The following EPB41L4A variants were observed in gnomAD, a reference collection of about 807,000 sequenced individuals.
EPB41L4A encodes erythrocyte membrane protein band 4.1 like 4A.
In EPB41L4A, 100 loss-of-function variants were observed where a neutral mutation model predicts 108.6. That is an observed-to-expected ratio of 0.92 (90% CI 0.78 to 1.09). The LOEUF is 1.09. EPB41L4A is among the 50% of genes least tolerant of loss of function. The pLI is 0.00. For synonymous variants in EPB41L4A, 319 were observed against 289.0 expected, an observed-to-expected ratio of 1.10 and a Z score of -1.05; for missense variants, 1,030 against 842.7, an observed-to-expected ratio of 1.22 and a Z score of -2.75.
intron 1 of EPB41L4A, among the ~76,000 whole-genome samples, chr5:112,334,163 T>C (rs1470265356): frequency 6.6e-6 from 1 of 152,166 alleles, no homozygotes; most frequent in African/African-American, 2.4e-5. Flanking sequence ...AAACAAACCC[T>C]TTTTGTAGCA....
rs543669216 is a variant in EPB41L4A at position 112,282,184 on chromosome 5, G to T, written c.205-1861C>A. 2.0e-5 allele frequency among the ~76,000 whole-genome samples: 3 copies of T among 152,274 alleles called. No homozygotes were observed. The South Asian group carries it at 6.2e-4, about 32-fold the overall frequency. ...TGGTGTTAAAATTATGATCCCCAGG[G>T]AAAGTGTAGCTCATTCAAGTAGAGT... On this transcript the variant is annotated intron_variant, in intron 2 of 22. Transcript: ENST00000261486.
chr5:112,263,980 T>A (rs1751671050), intron 6 of EPB41L4A: 1 of 151,650 alleles, frequency 6.6e-6, no homozygotes, highest in South Asian at 2.1e-4. Context: ...GCCCGGCTAA[T>A]TTTTGTATTT....
intron 1 of EPB41L4A, among the ~76,000 whole-genome samples, chr5:112,410,928 T>C (rs75119550): frequency 0.013 from 1,975 of 152,296 alleles, 24 homozygotes; most frequent in South Asian, 0.036. Context: ...GGCTCCAAGA[T>C]AGCAGAGCAA....
downstream of EPB41L4A, among the ~76,000 whole-genome samples, chr5:112,158,792 A>T (rs1169964874): frequency 2.0e-5 from 3 of 152,152 alleles, no homozygotes; most frequent in African/African-American, 7.2e-5. Flanking sequence ...CCTATGATTC[A>T]ATTACCTCCC....
intron 18 of EPB41L4A, among the ~76,000 whole-genome samples, chr5:112,171,967 C>T (rs1378922281): frequency 6.6e-6 from 1 of 152,130 alleles, no homozygotes; most frequent in Non-Finnish European, 1.5e-5. Flanking sequence ...TGCTTTCATT[C>T]TTCTCGATTC....
At chr5:112,415,088 TTTTA>T (rs546760188) in intron 1 of EPB41L4A, among the ~76,000 whole-genome samples, 26 of 152,336 alleles carry the variant, frequency 1.7e-4, no homozygotes, top group African/African-American at 4.1e-4. Context: ...TTCTGGGATA[TTTTA>T]TTTATTAGTC....
chr5:112,292,753 G>T (rs1357529983), intron 2 of EPB41L4A, among the ~76,000 whole-genome samples: 1 of 151,998 alleles, frequency 6.6e-6, no homozygotes, highest in African/African-American at 2.4e-5. Context: ...TCAGAATAAG[G>T]TTAAATCAAG....
intron 12 of EPB41L4A, among the ~76,000 whole-genome samples, chr5:112,226,070 C>T (rs1748428220): frequency 6.6e-6 from 1 of 152,196 alleles, no homozygotes; most frequent in African/African-American, 2.4e-5. Context: ...ATAGCAGATA[C>T]TGTGGGACTA....
chr5:112,160,680 A>C (rs1413447215), downstream of EPB41L4A: 1 of 154,054 alleles, frequency 6.5e-6, no homozygotes, highest in Non-Finnish European at 1.5e-5. Flanking sequence ...ACTCGGGCTG[A>C]GAACCCAGGC....
chr5:112,195,083 A>T (rs1040407826), intron 16 of EPB41L4A, among the ~76,000 whole-genome samples: 2 of 152,124 alleles, frequency 1.3e-5, no homozygotes, highest in African/African-American at 4.8e-5. Flanking sequence ...TACCAATAGA[A>T]TGAGGTGGAA....
intron 9 of EPB41L4A, among the ~76,000 whole-genome samples, chr5:112,245,061 T>C (rs1298373836): frequency 1.3e-5 from 2 of 151,658 alleles, no homozygotes; most frequent in Admixed American, 6.6e-5. Flanking sequence ...AATCTTCAAT[T>C]TGTAAAAAAA....
intron 1 of EPB41L4A, among the ~76,000 whole-genome samples, chr5:112,356,278 G>A (rs1758354033): frequency 6.6e-6 from 1 of 152,212 alleles, no homozygotes; most frequent in East Asian, 1.9e-4. Context: ...AATAAATACT[G>A]CATCCATGGG....
intron 1 of EPB41L4A, among the ~76,000 whole-genome samples, chr5:112,349,212 G>A (rs766746592): frequency 6.6e-6 from 1 of 152,134 alleles, no homozygotes. Context: ...GGAAAAGGGG[G>A]AATAAGGACA....
intron 2 of EPB41L4A, among the ~76,000 whole-genome samples, chr5:112,300,062 G>A (rs976918602): frequency 7.9e-5 from 12 of 152,112 alleles, no homozygotes; most frequent in African/African-American, 2.7e-4. Context: ...GTCTCTTGAA[G>A]GCAGCAGATA....
downstream of EPB41L4A, chr5:112,158,377 A>C (rs1759722553): frequency 2.6e-6 from 1 of 382,522 alleles, no homozygotes; most frequent in South Asian, 2.1e-5. Flanking sequence ...ACTAACCCAT[A>C]TAGTACATGT....
rs146004286 is a variant in EPB41L4A at position 112,198,570 on chromosome 5, T to G, written c.1377-2862A>C. ...AATATTCGCTTTGCTGTTTCTTTAA[T>G]AGTTTCCTCTCCTATGTTTTCTCTG... is the stretch of plus-strand genomic sequence containing the variant. On this transcript the variant is annotated intron_variant, in intron 15 of 22. Coordinates refer to ENST00000261486, the MANE Select transcript of EPB41L4A (RefSeq NM_022140.5). Among the ~76,000 whole-genome samples, 166 of 152,340 alleles carry G rather than the reference T, an allele frequency of 1.1e-3. 5 individuals carry two copies. The East Asian group carries it at 0.03, about 28-fold the overall frequency.
chr5:112,335,187 G>A (rs543474120), intron 1 of EPB41L4A, among the ~76,000 whole-genome samples: 1 of 152,174 alleles, frequency 6.6e-6, no homozygotes, highest in East Asian at 1.9e-4. Flanking sequence ...GCAGGGGAGA[G>A]ATTTCCATTG....
chr5:112,366,986 G>A (rs1759159614), intron 1 of EPB41L4A, among the ~76,000 whole-genome samples: 1 of 152,116 alleles, frequency 6.6e-6, no homozygotes, highest in African/African-American at 2.4e-5. Context: ...ACAGAACTTG[G>A]GTCCTTCACA....
At chr5:112,388,341 T>C (rs534845381) in intron 1 of EPB41L4A, among the ~76,000 whole-genome samples, 1 of 152,284 alleles carries the variant, frequency 6.6e-6, no homozygotes, top group South Asian at 2.1e-4. Context: ...AGAAGGAATC[T>C]GGAAACAGAT....
Sources: gnomAD v4.1 joint callset for allele counts (sites outside exome capture counted in the v4.1 genomes callset) on GRCh38, gnomAD v4.1.1 for gene constraint, MANE v1.5 for transcripts, NCBI Gene and HGNC (gene_info 2026-07-23, HGNC 2026-07-21) for gene names.